The following ZNF423 variants were observed in gnomAD, a reference collection of about 807,000 sequenced individuals.
ZNF423 encodes the protein zinc finger protein 423, also known as Ebf-associated zinc finger protein.
Under a neutral mutation model 95.8 loss-of-function variants are expected in ZNF423, and 12 were observed. The ratio of observed to expected loss-of-function variants is 0.13; its 90% confidence interval spans 0.08 to 0.20. ZNF423 has a LOEUF of 0.20. Among genes scored for constraint, ZNF423 ranks in the 10% least tolerant of loss-of-function variants. The probability of loss-of-function intolerance (pLI) is 1.00; values close to 1 mark genes in which losing one functional copy is unlikely to be tolerated. For missense variants in ZNF423, 1,316 were observed against 1,737.1 expected (o/e 0.76, Z 4.31); for synonymous variants, 749 against 711.9 (o/e 1.05, Z -0.83).
rs60635430 is a variant in ZNF423 at position 49,547,011 on chromosome 16, G to GA, written c.3602-21518dup. ...TTTTATCTACTTGATACTCTTTCCAGAAAAAAAAAAAAAAACAATCAGCCA... is the reference window on the plus strand; with the variant it reads ...TTTTATCTACTTGATACTCTTTCCAGAAAAAAAAAAAAAAAACAATCAGCCA... On this transcript the variant is annotated intron_variant, in intron 5 of 7. Coordinates refer to ENST00000563137, the MANE Select transcript of ZNF423 (RefSeq NM_001379286.1). 5.5e-3 allele frequency among the ~76,000 whole-genome samples: 616 copies of GA among 111,268 alleles called. 1 individual carries two copies. Among genetic ancestry groups the GA allele is most frequent in the Middle Eastern group, 9.3e-3 (2 of 214 alleles). The allele number at this position is 111,268 out of a possible 152,430, so 73.0% of individuals were successfully genotyped here. A position where few individuals can be genotyped will look rare whatever the true frequency, so the allele number is the denominator to read the frequency against.
chr16:49,621,578 C>A (rs572031903), intron 5 of ZNF423, among the ~76,000 whole-genome samples: 234 of 152,274 alleles, frequency 1.5e-3, no homozygotes, highest in African/African-American at 5.6e-3. Context: ...CCCCAAGTGC[C>A]CTGAGTTTAT....
chr16:49,535,707 C>G (rs934254418), intron 5 of ZNF423, among the ~76,000 whole-genome samples: 2 of 152,284 alleles, frequency 1.3e-5, no homozygotes, highest in South Asian at 4.2e-4. Flanking sequence ...TCCCCTTTTA[C>G]CTGTAAAGAA....
intron 3 of ZNF423, among the ~76,000 whole-genome samples, chr16:49,672,436 G>C (rs553338230): frequency 2.0e-5 from 3 of 152,046 alleles, no homozygotes; most frequent in African/African-American, 7.2e-5. Flanking sequence ...GCAGCAGGGC[G>C]GAAACCATGG....
intron 2 of ZNF423, among the ~76,000 whole-genome samples, chr16:49,757,630 C>A (rs1316893831): frequency 6.6e-6 from 1 of 152,196 alleles, no homozygotes; most frequent in Non-Finnish European, 1.5e-5. Context: ...CCAAGCCAGA[C>A]ACGTGACCAC....
chr16:49,750,955 G>GT (rs1214551604), intron 2 of ZNF423, among the ~76,000 whole-genome samples: 1 of 152,168 alleles, frequency 6.6e-6, no homozygotes, highest in Non-Finnish European at 1.5e-5. Context: ...ACCAAGCGGA[G>GT]GCCAGTGTGT....
At chr16:49,834,937 G>C (rs940562338) in intron 1 of ZNF423, among the ~76,000 whole-genome samples, 16 of 152,036 alleles carry the variant, frequency 1.1e-4, no homozygotes, top group Non-Finnish European at 2.1e-4. Context: ...CAGGGGGAGG[G>C]GACCAGGGGA....
chr16:49,852,694 C>T (rs1256045662), intron 1 of ZNF423, among the ~76,000 whole-genome samples: 1 of 151,928 alleles, frequency 6.6e-6, no homozygotes, highest in South Asian at 2.1e-4. Context: ...ATAACACTCC[C>T]GGCTTTAGGG....
intron 1 of ZNF423, among the ~76,000 whole-genome samples, chr16:49,850,038 A>G (rs2035286284): frequency 6.6e-6 from 1 of 152,268 alleles, no homozygotes; most frequent in Non-Finnish European, 1.5e-5. Flanking sequence ...GCAAGAAGAT[A>G]GGTAAAACAG....
At chr16:49,697,800 A>C (rs2032028378) in intron 3 of ZNF423, among the ~76,000 whole-genome samples, 1 of 152,258 alleles carries the variant, frequency 6.6e-6, no homozygotes, top group Non-Finnish European at 1.5e-5. Context: ...GGCCAGCTGA[A>C]AGCCTTACCT....
intron 4 of ZNF423, among the ~76,000 whole-genome samples, chr16:49,631,936 G>T (rs1297399568): frequency 6.6e-6 from 1 of 152,182 alleles, no homozygotes; most frequent in East Asian, 1.9e-4. Flanking sequence ...CCCACTGTCT[G>T]AGCTGCCATT....
intron 2 of ZNF423, among the ~76,000 whole-genome samples, chr16:49,785,154 G>A (rs144957735): frequency 7.2e-5 from 11 of 152,078 alleles, no homozygotes; most frequent in East Asian, 5.8e-4. Flanking sequence ...ATAACTCACC[G>A]TAACCTCAAA....
chr16:49,518,572 A>G, intron 7 of ZNF423: 1 of 430,342 alleles, frequency 2.3e-6, no homozygotes, highest in Non-Finnish European at 4.5e-6. Context: ...CACAAAACTC[A>G]GATGTTCCAT....
chr16:49,769,964 C>T (rs756589294), intron 2 of ZNF423, among the ~76,000 whole-genome samples: 9 of 152,094 alleles, frequency 5.9e-5, no homozygotes, highest in Non-Finnish European at 1.3e-4. Context: ...ACAGCCGGCC[C>T]TCTCCTCCTC....
intron 1 of ZNF423, among the ~76,000 whole-genome samples, chr16:49,792,975 G>T (rs1309536983): frequency 6.6e-6 from 1 of 151,862 alleles, no homozygotes; most frequent in African/African-American, 2.4e-5. Context: ...TTGCTATGTT[G>T]CTCAGGCTGG....
chr16:49,698,044 T>C (rs2151952179), intron 3 of ZNF423, among the ~76,000 whole-genome samples: 2 of 152,254 alleles, frequency 1.3e-5, no homozygotes, highest in Admixed American at 1.3e-4. Context: ...CGACTCCACA[T>C]TGTCCTGCCC....
At chr16:49,772,063 A>C (rs1379477340) in intron 2 of ZNF423, among the ~76,000 whole-genome samples, 1 of 152,186 alleles carries the variant, frequency 6.6e-6, no homozygotes, top group Admixed American at 6.5e-5. Flanking sequence ...AGCTGGAAAC[A>C]TCCCACCCTG....
intron 2 of ZNF423, among the ~76,000 whole-genome samples, chr16:49,772,228 G>A (rs1041160577): frequency 2.6e-5 from 4 of 152,194 alleles, no homozygotes; most frequent in African/African-American, 4.8e-5. Context: ...AGGAGAAGAC[G>A]GATGGCCCAG....
intron 3 of ZNF423, among the ~76,000 whole-genome samples, chr16:49,707,159 G>A (rs745929060): frequency 2.4e-4 from 35 of 145,464 alleles, no homozygotes; most frequent in Non-Finnish European, 4.9e-4. Flanking sequence ...CTACCCCCGG[G>A]GTCCCTGCCG....
chr16:49,681,126 T>G (rs1445040084), intron 3 of ZNF423, among the ~76,000 whole-genome samples: 1 of 152,168 alleles, frequency 6.6e-6, no homozygotes, highest in Non-Finnish European at 1.5e-5. Flanking sequence ...GGATTCCCAC[T>G]TCTGGTGAAC....
Sources: allele counts gnomAD v4.1 joint callset (sites outside exome capture counted in the v4.1 genomes callset), GRCh38; gene constraint gnomAD v4.1.1; transcripts MANE v1.5; gene names NCBI Gene and HGNC (gene_info 2026-07-23, HGNC 2026-07-21).